UGT1A3: variants seen among roughly 807,000 people sequenced by gnomAD.
The protein encoded by UGT1A3 is UDP glucuronosyltransferase family 1 member A3, also known as UDP-glucuronosyltransferase 1A3.
UGT1A3 carries 31 observed loss-of-function variants against 41.0 expected under a neutral mutation model. That is an observed-to-expected ratio of 0.76 (90% confidence interval 0.57 to 1.02). The LOEUF is 1.02. Among genes scored for constraint, UGT1A3 ranks in the 50% least tolerant of loss-of-function variants. UGT1A3 has a pLI of 0.00. For missense variants in UGT1A3, 737 were observed against 671.0 expected, an observed-to-expected ratio of 1.10 and a Z score of -1.09; for synonymous variants, 262 against 257.6, an observed-to-expected ratio of 1.02 and a Z score of -0.17.
chr2:233,761,836 A>C (rs1697880138), intron 1 of UGT1A3, among the ~76,000 whole-genome samples: 1 of 152,212 alleles, frequency 6.6e-6, no homozygotes, highest in African/African-American at 2.4e-5. Flanking sequence ...ATGGAGCGTT[A>C]GGGAATTACT....
intron 1 of UGT1A3, among the ~76,000 whole-genome samples, chr2:233,758,968 C>T (rs1224363949): frequency 6.6e-6 from 1 of 152,170 alleles, no homozygotes; most frequent in Non-Finnish European, 1.5e-5. Context: ...AATGCCTTTC[C>T]CCTGGATCTT....
chr2:233,766,304 C>T (rs1472747158), intron 1 of UGT1A3, among the ~76,000 whole-genome samples: 4 of 151,950 alleles, frequency 2.6e-5, no homozygotes, highest in Non-Finnish European at 4.4e-5. Context: ...GGCTCTCCTC[C>T]GACTGCCTCA....
Position 233,773,228 on chromosome 2 carries a change from T to C in UGT1A3, c.*669T>C, listed in dbSNP as rs570239690. The C allele has an allele frequency of 6.6e-6, 1 of 152,468 alleles. No homozygotes were observed. The highest frequency in any genetic ancestry group is 2.4e-5 in the African/African-American group (1 of 41,574). 9.4% of individuals were successfully genotyped at this position (152,468 alleles called of 1,614,324 possible). A position where few individuals can be genotyped will look rare whatever the true frequency, so the allele number is the denominator to read the frequency against. ...AAAAACCCAAAATACAGCTATGAAG[T>C]GCTGGGCAAGTTTACTTTTTTTCTG... On this transcript the variant is annotated 3_prime_UTR_variant, in exon 5 of 5. Coordinates refer to ENST00000482026, the MANE Select transcript of UGT1A3 (RefSeq NM_019093.4).
chr2:233,748,015 C>T lies in UGT1A3; in HGVS notation c.867+18022C>T, dbSNP rs746722710. ...GACTTTGTGATGGATTACCCCAGGC[C>T]GATCATGCCCAACATGGTCTTCATT... is the stretch of plus-strand genomic sequence containing the variant. On this transcript the variant is annotated intron_variant, in intron 1 of 4. Coordinates refer to ENST00000482026, the MANE Select transcript of UGT1A3 (RefSeq NM_019093.4). The T allele has an allele frequency of 4.5e-4, 728 of 1,613,308 alleles. 4 individuals carry two copies. Among genetic ancestry groups the T allele is most frequent in the Middle Eastern group, 6.6e-4 (4 of 6,082 alleles).
rs373052727 is a variant in UGT1A3 at position 233,772,330 on chromosome 2, C to T, written c.1376C>T (p.Ala459Val). ...CGCCCGGTGGAGCCGCTGGACCTGGCCGTGTTCTGGGTGGAGTTTGTGATG... is the reference window on the plus strand; with the variant it reads ...CGCCCGGTGGAGCCGCTGGACCTGGTCGTGTTCTGGGTGGAGTTTGTGATG... Reference protein sequence around the residue: ...KDRPVEPLDLAVFWVEFVMRH... With the variant: ...KDRPVEPLDLVVFWVEFVMRH... The change falls in exon 5 of 5, where the codon GCC (alanine) becomes GTC (valine). Residue 459 changes from alanine to valine, a missense_variant. Ala to Val is a moderately conservative substitution (Grantham distance 64). Transcript: ENST00000482026. 1.2e-6 allele frequency: 2 copies of T among 1,614,146 alleles called. No homozygotes were observed. The highest frequency in any genetic ancestry group is 1.7e-6 in the Non-Finnish European group (2 of 1,180,034).
rs1331273154 is a variant in UGT1A3 at position 233,755,158 on chromosome 2, C to T, written c.868-11876C>T. On this transcript the variant is annotated intron_variant, in intron 1 of 4. Coordinates refer to ENST00000482026, the MANE Select transcript of UGT1A3 (RefSeq NM_019093.4). ...AATCTTCTCACCGCTTCCTCCCTGT[C>T]CTCGGGGTTTTTGTCGGGGTGCCAC... 1.2e-4 allele frequency: 159 copies of T among 1,292,482 alleles called. 2 individuals are homozygous for T. Among genetic ancestry groups the T allele is most frequent in the Non-Finnish European group, 4.6e-5 (44 of 955,692 alleles). The allele number at this position is 1,292,482 out of a possible 1,614,324, so 80.1% of individuals were successfully genotyped here.
chr2:233,743,058 A>G lies in UGT1A3; in HGVS notation c.867+13065A>G, dbSNP rs79897461. ...GTCCTATCCGTGTAGTCCCAACGAT[A>G]AGAACAGGTGTTGGCATGAAGTGTT... On this transcript the variant is annotated intron_variant, in intron 1 of 4. Coordinates refer to ENST00000482026, the MANE Select transcript of UGT1A3 (RefSeq NM_019093.4). The G allele has an allele frequency of 7.7e-5, 25 of 325,552 alleles. No homozygotes were observed. The East Asian group carries it at 1.9e-3, about 25-fold the overall frequency. The allele number at this position is 325,552 out of a possible 1,614,324, so 20.2% of individuals were successfully genotyped here. A position where few individuals can be genotyped will look rare whatever the true frequency, so the allele number is the denominator to read the frequency against.
chr2:233,729,506 C>G lies in UGT1A3; in HGVS notation c.380C>G (p.Ser127Cys), dbSNP rs192895083. ...LNNMSLVYHR[S>C]CVELLHNEAL... ...AATATGTCTTTGGTCTATCATAGGT[C>G]TTGTGTGGAGCTACTACATAATGAG... The change falls in exon 1 of 5, where the codon TCT becomes TGT. Residue 127 changes from serine to cysteine, a missense_variant. Physicochemically the swap from Ser to Cys is moderately radical, Grantham distance 112. Transcript: ENST00000482026. The G allele has an allele frequency of 6.7e-5, 108 of 1,614,162 alleles. No homozygotes were observed. Among genetic ancestry groups the G allele is most frequent in the Non-Finnish European group, 8.6e-5 (102 of 1,180,030 alleles).
intron 4 of UGT1A3, among the ~76,000 whole-genome samples, chr2:233,772,017 G>T (rs1484729268): frequency 7.9e-5 from 12 of 152,188 alleles, no homozygotes; most frequent in African/African-American, 9.7e-5. Context: ...GGAGGCTGAG[G>T]CAGGAGGATG....
At chr2:233,766,582 G>A (rs1699191924) in intron 1 of UGT1A3, among the ~76,000 whole-genome samples, 1 of 152,174 alleles carries the variant, frequency 6.6e-6, no homozygotes, top group South Asian at 2.1e-4. Context: ...GTCTGGGGGT[G>A]GAGCCCTCGC....
intron 1 of UGT1A3, chr2:233,754,360 T>C (rs1695458970): frequency 2.1e-5 from 6 of 282,296 alleles, no homozygotes; most frequent in South Asian, 1.9e-4. Flanking sequence ...CATACAGATA[T>C]TTACAATGAT....
At chr2:233,738,115 G>T (rs1249005866) in intron 1 of UGT1A3, among the ~76,000 whole-genome samples, 5 of 152,176 alleles carry the variant, frequency 3.3e-5, no homozygotes, top group African/African-American at 1.2e-4. Flanking sequence ...AGATCTGATG[G>T]TTTTATAAGG....
At chr2:233,763,091 G>C (rs1453938427) in intron 1 of UGT1A3, among the ~76,000 whole-genome samples, 1 of 152,216 alleles carries the variant, frequency 6.6e-6, no homozygotes, top group Non-Finnish European at 1.5e-5. Context: ...ATGTTTGTAG[G>C]AGAGGCACCG....
Position 233,772,749 on chromosome 2 carries a change from G to C in UGT1A3, c.*190G>C. 7.0e-7 allele frequency: 1 copy of C among 1,420,230 alleles called. No homozygotes were observed. Among genetic ancestry groups the C allele is most frequent in the East Asian group, 2.5e-5 (1 of 40,006 alleles). 88.0% of individuals were successfully genotyped at this position (1,420,230 alleles called of 1,614,324 possible). Reference sequence around the variant, plus strand: ...GACTCGCTAGTCAGTAAAGATATTTGAATATGTATCGTGCCCCCTCTGGTG... The same window carrying C: ...GACTCGCTAGTCAGTAAAGATATTTCAATATGTATCGTGCCCCCTCTGGTG... On this transcript the variant is annotated 3_prime_UTR_variant, in exon 5 of 5. Coordinates refer to ENST00000482026, the MANE Select transcript of UGT1A3 (RefSeq NM_019093.4).
Position 233,768,313 on chromosome 2 carries a change from T to C in UGT1A3, c.1181T>C (p.Leu394Ser). 6.2e-7 allele frequency: 1 copy of C among 1,614,194 alleles called. No individual in the cohort carries two copies. The highest frequency in any genetic ancestry group is 8.5e-7 in the Non-Finnish European group (1 of 1,180,048). ...CNGVPMVMMP[L>S]FGDQMDNAKR... The stretch of plus-strand genomic sequence containing the variant: ...GGCGTTCCCATGGTGATGATGCCCT[T>C]GTTTGGTGATCAGATGGACAATGCA... Residue 394 changes from leucine (L) to serine (S), a missense_variant, in exon 4 of 5, where the codon TTG becomes TCG. By Grantham distance (145) the Leu-to-Ser change is moderately radical. Coordinates refer to ENST00000482026, the MANE Select transcript of UGT1A3 (RefSeq NM_019093.4).
intron 3 of UGT1A3, 57 bp downstream of exon 3, chr2:233,767,993 T>G (rs2126036231): frequency 1.2e-6 from 2 of 1,614,180 alleles, no homozygotes; most frequent in Admixed American, 3.3e-5. Flanking sequence ...AGAAAATGGC[T>G]TAAGCACAGC....
rs1461557828 is a variant in UGT1A3 at position 233,729,425 on chromosome 2, A to G, written c.299A>G (p.Tyr100Cys). 1 of 1,613,834 alleles carries G rather than the reference A, an allele frequency of 6.2e-7. No individual in the cohort carries two copies. The change falls in exon 1 of 5, where the codon TAC becomes TGC. Residue 100 changes from tyrosine to cysteine, a missense_variant. Tyr to Cys is a radical substitution (Grantham distance 194). Transcript: ENST00000482026. ...DRHVLGHTQL[Y>C]FETEHFLKKF... ...CATGTGCTGGGCCACACTCAACTGT[A>G]CTTTGAAACAGAACATTTTCTGAAG...
chr2:233,743,846 C>A (rs779214397), intron 1 of UGT1A3: 9 of 1,367,112 alleles, frequency 6.6e-6, no homozygotes, highest in Non-Finnish European at 8.8e-6. Flanking sequence ...CGCCAGCTTG[C>A]GGTACGCCTT....
intron 1 of UGT1A3, chr2:233,760,833 G>A (rs777115864): frequency 5.0e-6 from 8 of 1,613,598 alleles, no homozygotes; most frequent in Admixed American, 1.7e-5. Flanking sequence ...TGGAATTTGA[G>A]GCTACCCAGT....
Sources: allele counts gnomAD v4.1 joint callset (sites outside exome capture counted in the v4.1 genomes callset), GRCh38; gene constraint gnomAD v4.1.1; transcripts MANE v1.5; gene names NCBI Gene and HGNC (gene_info 2026-07-23, HGNC 2026-07-21).